NAT1: variants seen among roughly 807,000 people sequenced by gnomAD.
The protein encoded by NAT1 is arylamine N-acetyltransferase 1.
For synonymous variants in NAT1, 144 were observed against 122.6 expected (o/e 1.17, Z -1.16); for missense variants, 400 against 339.2 (o/e 1.18, Z -1.41).
intron 2 of NAT1, among the ~76,000 whole-genome samples, chr8:18,190,809 G>A (rs1858716): frequency 0.074 from 11,268 of 152,232 alleles, 1,092 homozygotes; most frequent in African/African-American, 0.23. Context: ...ACTCATGCCT[G>A]TAATCCCAGC....
intron 1 of NAT1, among the ~76,000 whole-genome samples, chr8:18,216,552 A>C (rs1437224048): frequency 6.6e-6 from 1 of 152,180 alleles, no homozygotes; most frequent in Non-Finnish European, 1.5e-5. Flanking sequence ...CTCATCTTCA[A>C]TAAGACCCAT....
At chr8:18,193,560 A>T (rs1803107248) in intron 2 of NAT1, among the ~76,000 whole-genome samples, 1 of 148,012 alleles carries the variant, frequency 6.8e-6, no homozygotes, top group Non-Finnish European at 1.5e-5. Flanking sequence ...CAGGTCCTTA[A>T]AGAGACAGTC....
At chr8:18,221,052 C>T (rs1805229444) in intron 2 of NAT1, among the ~76,000 whole-genome samples, 1 of 152,164 alleles carries the variant, frequency 6.6e-6, no homozygotes. Flanking sequence ...TCTCATTTCA[C>T]TTACAGTAAA....
chr8:18,206,542 G>A (rs1358452305), upstream of NAT1, among the ~76,000 whole-genome samples: 1 of 152,196 alleles, frequency 6.6e-6, no homozygotes, highest in African/African-American at 2.4e-5. Flanking sequence ...GTATGAGCAA[G>A]AGCAATTAGT....
chr8:18,174,442 T>C (rs908438034), intron 2 of NAT1, among the ~76,000 whole-genome samples: 1 of 152,120 alleles, frequency 6.6e-6, no homozygotes, highest in African/African-American at 2.4e-5. Context: ...TTCCTACTGT[T>C]TTCTAGCTAC....
At chr8:18,221,159 C>T (rs1805245539) in intron 2 of NAT1, among the ~76,000 whole-genome samples, 1 of 152,178 alleles carries the variant, frequency 6.6e-6, no homozygotes, top group African/African-American at 2.4e-5. Context: ...ATTACCCTTG[C>T]TTCCTGAATG....
chr8:18,180,432 A>G (rs893167417), intron 2 of NAT1, among the ~76,000 whole-genome samples: 1 of 152,112 alleles, frequency 6.6e-6, no homozygotes. Flanking sequence ...AGAAACAAAG[A>G]TCTATTGAGC....
upstream of NAT1, among the ~76,000 whole-genome samples, chr8:18,208,702 T>C (rs375144052): frequency 2.7e-3 from 406 of 152,304 alleles, no homozygotes; most frequent in African/African-American, 5.0e-3. Flanking sequence ...GGATTTTGCA[T>C]TGGAGGCTAG....
At chr8:18,187,398 G>C (rs1563166755) in intron 2 of NAT1, among the ~76,000 whole-genome samples, 1 of 152,148 alleles carries the variant, frequency 6.6e-6, no homozygotes, top group Non-Finnish European at 1.5e-5. Context: ...ACATGCATAT[G>C]TATGTTCATT....
chr8:18,189,429 C>T (rs1802890199), intron 2 of NAT1, among the ~76,000 whole-genome samples: 1 of 151,974 alleles, frequency 6.6e-6, no homozygotes, highest in Admixed American at 6.6e-5. Context: ...CTGGGGGAGG[C>T]ATATCAGATA....
intron 2 of NAT1, among the ~76,000 whole-genome samples, chr8:18,204,511 T>C (rs192582267): frequency 1.3e-5 from 2 of 152,332 alleles, no homozygotes; most frequent in East Asian, 1.9e-4. Flanking sequence ...ACATTACTTA[T>C]TAAACATAAG....
chr8:18,182,514 C>G (rs1300360614), intron 2 of NAT1, among the ~76,000 whole-genome samples: 2 of 152,152 alleles, frequency 1.3e-5, no homozygotes, highest in East Asian at 3.9e-4. Context: ...CTATAGATTG[C>G]TTCGTTTTTA....
chr8:18,183,903 G>C (rs1802620826), intron 2 of NAT1, among the ~76,000 whole-genome samples: 1 of 152,134 alleles, frequency 6.6e-6, no homozygotes, highest in Non-Finnish European at 1.5e-5. Flanking sequence ...ACCTCCCAAG[G>C]CCTCAGACAA....
upstream of NAT1, among the ~76,000 whole-genome samples, chr8:18,208,625 C>G (rs903953971): frequency 2.0e-5 from 3 of 152,324 alleles, no homozygotes; most frequent in Admixed American, 2.0e-4. Context: ...AATATCCTCA[C>G]GAGCCCAGGC....
chr8:18,202,780 C>T (rs1803523324), intron 2 of NAT1, among the ~76,000 whole-genome samples: 2 of 152,092 alleles, frequency 1.3e-5, no homozygotes, highest in South Asian at 2.1e-4. Flanking sequence ...TGAGGAGCAG[C>T]AAGATTTATT....
intron 2 of NAT1, among the ~76,000 whole-genome samples, chr8:18,175,338 C>T (rs992844595): frequency 2.0e-4 from 31 of 152,016 alleles, no homozygotes; most frequent in African/African-American, 6.8e-4. Context: ...AGACTTCGTA[C>T]CCTTTGATCA....
chr8:18,191,018 A>T (rs1802961110), intron 2 of NAT1, among the ~76,000 whole-genome samples: 1 of 151,986 alleles, frequency 6.6e-6, no homozygotes, highest in Non-Finnish European at 1.5e-5. Context: ...GTGAGCTGAG[A>T]TCACACCACT....
chr8:18,192,220 C>A (rs1415445687), intron 2 of NAT1, among the ~76,000 whole-genome samples: 2 of 152,102 alleles, frequency 1.3e-5, no homozygotes, highest in Non-Finnish European at 2.9e-5. Context: ...ATTTATGCAG[C>A]CAACAGACAC....
chr8:18,196,210 A>G (rs1005383131), intron 2 of NAT1, among the ~76,000 whole-genome samples: 31 of 152,074 alleles, frequency 2.0e-4, no homozygotes, highest in African/African-American at 7.5e-4. Flanking sequence ...TCGGACCTCC[A>G]AAGTGCTAGG....
Sources: gnomAD v4.1 joint callset for allele counts (sites outside exome capture counted in the v4.1 genomes callset) on GRCh38, gnomAD v4.1.1 for gene constraint, MANE v1.5 for transcripts, NCBI Gene and HGNC (gene_info 2026-07-23, HGNC 2026-07-21) for gene names.